WDR64: variants seen among roughly 807,000 people sequenced by gnomAD.
WDR64 encodes WD repeat-containing protein 64.
Under a neutral mutation model 139.3 loss-of-function variants are expected in WDR64, and 112 were observed. That is an observed-to-expected ratio of 0.80 (90% CI 0.69 to 0.94). The LOEUF is 0.94. Among genes scored for constraint, WDR64 ranks in the 40% least tolerant of loss-of-function variants. WDR64 has a pLI of 0.00. For synonymous variants in WDR64, 444 were observed against 437.7 expected, an observed-to-expected ratio of 1.01 and a Z score of -0.18; for missense variants, 1,206 against 1,293.1, an observed-to-expected ratio of 0.93 and a Z score of 1.03.
chr1:241,717,484 C>A (rs1405262573), intron 9 of WDR64, among the ~76,000 whole-genome samples: 1 of 152,010 alleles, frequency 6.6e-6, no homozygotes, highest in Non-Finnish European at 1.5e-5. Flanking sequence ...GTGAACTAAG[C>A]CCGCTCATCT....
intron 9 of WDR64, among the ~76,000 whole-genome samples, chr1:241,715,751 A>G (rs1386477328): frequency 3.9e-4 from 60 of 152,160 alleles, no homozygotes; most frequent in Admixed American, 3.9e-3. Flanking sequence ...CACACAAAAG[A>G]ATACAAAATG....
chr1:241,684,836 C>T (rs1236051901), intron 7 of WDR64, among the ~76,000 whole-genome samples: 2 of 152,184 alleles, frequency 1.3e-5, no homozygotes, highest in African/African-American at 4.8e-5. Context: ...CGGCTCCCTG[C>T]AACCTCCGCC....
At chr1:241,730,278 A>C (rs986512853) in intron 10 of WDR64, among the ~76,000 whole-genome samples, 3 of 152,142 alleles carry the variant, frequency 2.0e-5, no homozygotes, top group African/African-American at 4.8e-5. Context: ...CTGGGAGCAA[A>C]CATGCCTACC....
intron 12 of WDR64, 47 bp downstream of exon 12, chr1:241,741,711 A>G (rs1218730336): frequency 1.3e-6 from 2 of 1,513,336 alleles, no homozygotes; most frequent in Non-Finnish European, 1.8e-6. Context: ...CAATGCAGAT[A>G]TAATTTTCTG....
chr1:241,738,337 G>T lies in WDR64; in HGVS notation c.1195-26G>T, dbSNP rs1326282107. 4.4e-6 allele frequency: 7 copies of T among 1,608,392 alleles called. No individual in the cohort carries two copies. In the African/African-American group the frequency reaches 9.4e-5, roughly 22 times the overall value. ...GTGAGAAAGGTGAGTATAAATAGTG[G>T]TAAACTGTGTTTGTTATTCTTCCAG... is the stretch of plus-strand genomic sequence containing the variant. On this transcript the variant is annotated intron_variant, in intron 10 of 27. Transcript: ENST00000437684.
chr1:241,707,583 C>T (rs2148163606), intron 8 of WDR64, among the ~76,000 whole-genome samples: 1 of 152,260 alleles, frequency 6.6e-6, no homozygotes, highest in East Asian at 1.9e-4. Context: ...GTTCTTCCTC[C>T]TCATCTAGGT....
rs1334367822 is a variant in WDR64 at position 241,795,219 on chromosome 1, C to A, written c.3010C>A (p.Pro1004Thr). 1.9e-6 allele frequency: 3 copies of A among 1,613,700 alleles called. No individual in the cohort carries two copies. Among genetic ancestry groups the A allele is most frequent in the Non-Finnish European group, 2.5e-6 (3 of 1,179,894 alleles). ...CTTTGTTTTGCAGATTCGAAGATAT[C>A]CCTTGGAAGGTTTCGTGACTGAAAA... ...SLSSPKIRRY[P>T]LEGFVTENRE... The change falls in exon 26 of 28, where the codon CCC becomes ACC. Residue 1004 changes from proline (P) to threonine (T), a missense_variant. By Grantham distance (38) the Pro-to-Thr change is conservative (BLOSUM62 -1). Transcript: ENST00000437684.
intron 8 of WDR64, among the ~76,000 whole-genome samples, chr1:241,693,847 C>T (rs1254883461): frequency 1.3e-5 from 2 of 152,126 alleles, no homozygotes; most frequent in Non-Finnish European, 2.9e-5. Flanking sequence ...ACATATAACC[C>T]TTCTCTGGTG....
At chr1:241,793,692 T>C (rs1022497949) in intron 25 of WDR64, among the ~76,000 whole-genome samples, 1 of 152,140 alleles carries the variant, frequency 6.6e-6, no homozygotes. Context: ...CAGACTTAGG[T>C]TTAATTTTAG....
rs1464079627 is a variant in WDR64 at position 241,656,791 on chromosome 1, G to GGC, written c.146-3738_146-3737dup. 6.6e-6 allele frequency among the ~76,000 whole-genome samples: 1 copy of GGC among 151,844 alleles called. No homozygotes were observed. Among genetic ancestry groups the GGC allele is most frequent in the African/African-American group, 2.4e-5 (1 of 41,292 alleles). On this transcript the variant is annotated intron_variant, in intron 1 of 27. Transcript: ENST00000437684. The surrounding 1 kb of genome is among the most constrained non-coding windows in gnomAD (Gnocchi z 4.3). ...TTGTAGGATGTTAAGCAGCGTCCTT[G>GGC]GCCTCTACTCACTAGATGCCAGTAG...
At chr1:241,674,378 T>A (rs1666379755) in intron 3 of WDR64, among the ~76,000 whole-genome samples, 1 of 146,736 alleles carries the variant, frequency 6.8e-6, no homozygotes, top group Admixed American at 7.0e-5. Flanking sequence ...CACCTCAGCC[T>A]CCCGAGGAAC....
At chr1:241,774,225 C>G (rs554824896) in intron 20 of WDR64, among the ~76,000 whole-genome samples, 1 of 152,144 alleles carries the variant, frequency 6.6e-6, no homozygotes, top group Non-Finnish European at 1.5e-5. Flanking sequence ...TAATGGGATC[C>G]AACAACACGG....
At chr1:241,696,075 C>CTG (rs1220207139) in intron 8 of WDR64, among the ~76,000 whole-genome samples, 6 of 120,120 alleles carry the variant, frequency 5.0e-5, no homozygotes, top group African/African-American at 2.0e-4. Flanking sequence ...GAGCACACCA[C>CTG]TGTACTCCAG....
intron 13 of WDR64, among the ~76,000 whole-genome samples, chr1:241,747,884 G>C (rs1391255927): frequency 6.6e-6 from 1 of 152,182 alleles, no homozygotes; most frequent in African/African-American, 2.4e-5. Flanking sequence ...CATTCAGGTG[G>C]GTGAGAATGT....
chr1:241,765,588 G>T (rs1449594187), intron 15 of WDR64, among the ~76,000 whole-genome samples: 1 of 152,100 alleles, frequency 6.6e-6, no homozygotes, highest in African/African-American at 2.4e-5. Flanking sequence ...AGTGGTAATA[G>T]ACCTCTCCTC....
chr1:241,667,331 T>C (rs572133928), intron 2 of WDR64, among the ~76,000 whole-genome samples: 1 of 152,152 alleles, frequency 6.6e-6, no homozygotes, highest in Non-Finnish European at 1.5e-5. Context: ...TTGTACCAAG[T>C]TGTGTTTATA....
At chr1:241,783,524 G>T in intron 23 of WDR64, 143 bp downstream of exon 23, 1 of 633,376 alleles carries the variant, frequency 1.6e-6, no homozygotes, top group East Asian at 3.0e-5. Context: ...GACACAAAAG[G>T]ACTTTGAAAA....
intron 8 of WDR64, among the ~76,000 whole-genome samples, chr1:241,705,628 C>A (rs986918974): frequency 2.4e-4 from 37 of 151,492 alleles, no homozygotes; most frequent in African/African-American, 8.7e-4. Context: ...TACCCCGTCA[C>A]CTGGACTGGA....
intron 9 of WDR64, among the ~76,000 whole-genome samples, chr1:241,715,774 C>G (rs904955357): frequency 6.6e-6 from 1 of 152,010 alleles, no homozygotes; most frequent in Non-Finnish European, 1.5e-5. Flanking sequence ...AAGAACTGAC[C>G]AGTTTTTATA....
Sources: gnomAD v4.1 joint callset for allele counts (sites outside exome capture counted in the v4.1 genomes callset) on GRCh38, gnomAD v4.1.1 for gene constraint, Gnocchi (gnomAD v3.1) non-coding constraint, MANE v1.5 for transcripts, NCBI Gene and HGNC (gene_info 2026-07-23, HGNC 2026-07-21) for gene names.